PCDH15: variants seen among roughly 807,000 people sequenced by gnomAD.
The protein encoded by PCDH15 is protocadherin-15.
Under a neutral mutation model 178.5 loss-of-function variants are expected in PCDH15, and 129 were observed. That is an observed-to-expected ratio of 0.72 (90% CI 0.63 to 0.84). The LOEUF (loss-of-function observed/expected upper bound fraction) is 0.84, where lower values mean the gene tolerates loss of function less well. PCDH15 is among the 40% of genes least tolerant of loss of function. The pLI is 0.00. For synonymous variants in PCDH15, 800 were observed against 732.0 expected, an observed-to-expected ratio of 1.09 and a Z score of -1.50; for missense variants, 2,230 against 2,099.9, an observed-to-expected ratio of 1.06 and a Z score of -1.21.
intron 8 of PCDH15, among the ~76,000 whole-genome samples, chr10:54,267,659 C>A (rs912320691): frequency 1.3e-5 from 2 of 151,740 alleles, no homozygotes; most frequent in Non-Finnish European, 3.0e-5. Context: ...ATCAAGAACA[C>A]AATCCCATTT....
chr10:55,463,263 A>C (rs184938968), intron 2 of PCDH15, among the ~76,000 whole-genome samples: 1 of 152,134 alleles, frequency 6.6e-6, no homozygotes, highest in African/African-American at 2.4e-5. Context: ...GAATGACTAG[A>C]GTTATACTGA....
intron 26 of PCDH15, among the ~76,000 whole-genome samples, chr10:53,871,621 A>G (rs2079863548): frequency 1.3e-5 from 2 of 152,152 alleles, no homozygotes; most frequent in Admixed American, 6.5e-5. Context: ...CAATCAATTT[A>G]GACCCTTATT....
At chr10:54,729,785 A>G (rs1163943765) in intron 1 of PCDH15, among the ~76,000 whole-genome samples, 1 of 151,536 alleles carries the variant, frequency 6.6e-6, no homozygotes, top group Non-Finnish European at 1.5e-5. Context: ...TATATGCAGT[A>G]AACAACCTAT....
At chr10:55,438,450 G>C (rs748658213) in intron 2 of PCDH15, among the ~76,000 whole-genome samples, 5 of 152,054 alleles carry the variant, frequency 3.3e-5, no homozygotes, top group Non-Finnish European at 7.4e-5. Flanking sequence ...TATTAAATAA[G>C]AATCTGCTTA....
At chr10:55,613,003 T>G (rs2132161676) in intron 2 of PCDH15, among the ~76,000 whole-genome samples, 1 of 149,544 alleles carries the variant, frequency 6.7e-6, no homozygotes, top group South Asian at 2.1e-4. Flanking sequence ...CTCCAATACA[T>G]ATTTACTAGC....
intron 3 of PCDH15, among the ~76,000 whole-genome samples, chr10:54,440,516 T>A (rs1930171): frequency 6.6e-6 from 1 of 151,712 alleles, no homozygotes; most frequent in African/African-American, 2.4e-5. Context: ...ATTTGGCATA[T>A]TTTTTAATGC....
At chr10:53,968,612 G>A (rs889185231) in intron 21 of PCDH15, among the ~76,000 whole-genome samples, 1 of 152,142 alleles carries the variant, frequency 6.6e-6, no homozygotes, top group Non-Finnish European at 1.5e-5. Flanking sequence ...AGTAGAGGCC[G>A]ACTGACACCT....
At chr10:55,384,308 A>G (rs1358697469) in intron 2 of PCDH15, among the ~76,000 whole-genome samples, 1 of 152,178 alleles carries the variant, frequency 6.6e-6, no homozygotes, top group East Asian at 1.9e-4. Context: ...TCATATTACC[A>G]TTGTGTATTT....
chr10:55,031,992 T>C (rs1486405862), intron 2 of PCDH15, among the ~76,000 whole-genome samples: 1 of 152,150 alleles, frequency 6.6e-6, no homozygotes, highest in Non-Finnish European at 1.5e-5. Flanking sequence ...TGGAACAGGG[T>C]AATGTATAGA....
intron 2 of PCDH15, among the ~76,000 whole-genome samples, chr10:54,528,638 A>G (rs1282850188): frequency 6.6e-6 from 1 of 152,052 alleles, no homozygotes; most frequent in Non-Finnish European, 1.5e-5. Flanking sequence ...GCATTTTAAA[A>G]GCCGTTACAA....
At chr10:55,081,280 C>CT (rs973206904) in intron 2 of PCDH15, among the ~76,000 whole-genome samples, 2 of 152,106 alleles carry the variant, frequency 1.3e-5, no homozygotes, top group African/African-American at 4.8e-5. Flanking sequence ...CAGTTTTGTT[C>CT]TTTTTTTCTG....
rs528465145 is a variant in PCDH15, at chr10:54,144,254, T to C, written c.1784+8846A>G. On this transcript the variant is annotated intron_variant, in intron 14 of 37. Coordinates refer to ENST00000644397, the MANE Select transcript of PCDH15 (RefSeq NM_001384140.1). ...CAACCAGTTTCCCCATGATTGAAAA[T>C]TGATAAATAGAAAGGGGGGACTGAA... is the stretch of plus-strand genomic sequence containing the variant. 8.5e-5 allele frequency among the ~76,000 whole-genome samples: 13 copies of C among 152,080 alleles called. No homozygotes were observed. The South Asian group carries it at 2.3e-3, about 27-fold the overall frequency.
intron 9 of PCDH15, among the ~76,000 whole-genome samples, chr10:54,234,464 G>A (rs78795610): frequency 0.013 from 2,052 of 152,220 alleles, 23 homozygotes; most frequent in Non-Finnish European, 0.022. Flanking sequence ...AAGGTGGGAG[G>A]ATCGCTTGAA....
At chr10:55,624,675 A>G (rs925443592) in intron 2 of PCDH15, among the ~76,000 whole-genome samples, 15 of 152,170 alleles carry the variant, frequency 9.9e-5, no homozygotes, top group Non-Finnish European at 1.2e-4. Flanking sequence ...TAGAACTCTG[A>G]CACCACAGTG....
At chr10:54,701,553 G>C (rs2095308982) in intron 1 of PCDH15, among the ~76,000 whole-genome samples, 1 of 152,010 alleles carries the variant, frequency 6.6e-6, no homozygotes, top group South Asian at 2.1e-4. Context: ...CTGTCTTCAA[G>C]AGAACTATTT....
chr10:55,545,168 C>T (rs540650852), intron 2 of PCDH15, among the ~76,000 whole-genome samples: 2 of 151,966 alleles, frequency 1.3e-5, no homozygotes, highest in African/African-American at 4.8e-5. Flanking sequence ...ACCACAGAAC[C>T]AAAATATTTA....
intron 2 of PCDH15, among the ~76,000 whole-genome samples, chr10:55,061,240 T>C (rs538344686): frequency 6.6e-6 from 1 of 152,238 alleles, no homozygotes; most frequent in East Asian, 1.9e-4. Flanking sequence ...ATCCAATTTA[T>C]AAAAAGCGAA....
chr10:55,158,703 AAAG>A (rs2132110263), intron 2 of PCDH15, among the ~76,000 whole-genome samples: 3 of 151,886 alleles, frequency 2.0e-5, no homozygotes, highest in East Asian at 1.9e-4. Context: ...TAAAAAAAAA[AAAG>A]AAAGAAAGAA....
rs758666211 is a variant in PCDH15, at chr10:54,871,625, G to A, written c.-29+25825C>T. ...TTTAGGTTTAGATACATATGTTTAG[G>A]TTTATTTTTAATAGATTGATTATTA... On this transcript the variant is annotated intron_variant, in intron 3 of 5. Transcript: ENST00000458638. Among the ~76,000 whole-genome samples the A allele has an allele frequency of 4.7e-4, 72 of 152,022 alleles. 1 individual carries two copies. Among genetic ancestry groups the A allele is most frequent in the Middle Eastern group, 3.4e-3 (1 of 294 alleles).
Sources: gnomAD v4.1 joint callset for allele counts (sites outside exome capture counted in the v4.1 genomes callset) on GRCh38, gnomAD v4.1.1 for gene constraint, MANE v1.5 for transcripts, NCBI Gene and HGNC (gene_info 2026-07-23, HGNC 2026-07-21) for gene names.